CNTN6: variants seen among roughly 807,000 people sequenced by gnomAD.
CNTN6 encodes contactin 6.
In CNTN6, 137 loss-of-function variants were observed where a neutral mutation model predicts 122.8. The observed-to-expected ratio is 1.12, with a 90% CI of 0.97 to 1.29. The LOEUF (loss-of-function observed/expected upper bound fraction) is 1.29. CNTN6 is among the 50% of genes most tolerant of loss of function. The pLI is 0.00. For missense variants in CNTN6, 1,634 were observed against 1,223.4 expected (o/e 1.34, Z -5.01); for synonymous variants, 570 against 426.0 (o/e 1.34, Z -4.16).
chr3:1,299,430 T>C (rs1696830604), intron 7 of CNTN6, among the ~76,000 whole-genome samples: 1 of 152,196 alleles, frequency 6.6e-6, no homozygotes, highest in South Asian at 2.1e-4. Flanking sequence ...TATAGATTCC[T>C]GAAATTAAAA....
chr3:1,282,653 G>T (rs9842797), intron 5 of CNTN6, among the ~76,000 whole-genome samples: 1 of 152,152 alleles, frequency 6.6e-6, no homozygotes, highest in African/African-American at 2.4e-5. Flanking sequence ...AGCACAGAGA[G>T]GACTGCAATG....
intron 7 of CNTN6, among the ~76,000 whole-genome samples, chr3:1,298,957 A>G (rs978947295): frequency 1.3e-5 from 2 of 152,178 alleles, no homozygotes; most frequent in African/African-American, 4.8e-5. Flanking sequence ...CAAATTCTAG[A>G]AAACATCCTT....
chr3:1,255,311 C>G (rs2094735720), intron 4 of CNTN6, among the ~76,000 whole-genome samples: 1 of 151,866 alleles, frequency 6.6e-6, no homozygotes, highest in East Asian at 1.9e-4. Context: ...GTTGTAATCA[C>G]TCTCCCATGG....
chr3:1,190,311 G>A (rs781149047), intron 2 of CNTN6, among the ~76,000 whole-genome samples: 6 of 152,128 alleles, frequency 3.9e-5, no homozygotes, highest in Non-Finnish European at 7.3e-5. Flanking sequence ...CCGTCACATC[G>A]GGGGTTAGGA....
At chr3:1,346,544 C>T (rs1427397145) in intron 11 of CNTN6, among the ~76,000 whole-genome samples, 1 of 152,062 alleles carries the variant, frequency 6.6e-6, no homozygotes, top group Non-Finnish European at 1.5e-5. Flanking sequence ...GCCATGTGAC[C>T]TCTTTGTACA....
At chr3:1,270,127 A>G (rs1447496880) in intron 4 of CNTN6, among the ~76,000 whole-genome samples, 1 of 152,206 alleles carries the variant, frequency 6.6e-6, no homozygotes, top group African/African-American at 2.4e-5. Context: ...TAATATCATG[A>G]ACACCATGAC....
intron 12 of CNTN6, among the ~76,000 whole-genome samples, chr3:1,365,597 T>A (rs1708103171): frequency 6.6e-6 from 1 of 152,034 alleles, no homozygotes; most frequent in African/African-American, 2.4e-5. Context: ...TATCAAGAAA[T>A]GTTACATGGA....
rs1414933807 is a variant in CNTN6, at chr3:1,401,507, A to G, written c.2779A>G (p.Lys927Glu). ...ATTATGCTTGAACTGGGAGCATGTA[A>G]AAACCATGGAAAATGAGTCTGAAGT... is the stretch of plus-strand genomic sequence containing the variant. ...SKLCLNWEHVKTMENESEVLG... is the reference protein window; with the variant it reads ...SKLCLNWEHVETMENESEVLG... Residue 927 changes from lysine to glutamate, a missense_variant, in exon 21 of 23, where the codon AAA becomes GAA. Coordinates refer to ENST00000446702, the MANE Select transcript of CNTN6 (RefSeq NM_001289080.2). 2 of 1,611,888 alleles carry G rather than the reference A, an allele frequency of 1.2e-6. No homozygotes were observed. The highest frequency in any genetic ancestry group is 1.7e-4 in the Middle Eastern group (1 of 6,054).
chr3:1,298,065 A>C (rs941799024), intron 7 of CNTN6, 74 bp downstream of exon 7: 1 of 1,036,326 alleles, frequency 9.6e-7, no homozygotes, highest in Non-Finnish European at 1.4e-6. Flanking sequence ...TTTGTTATTC[A>C]TATATTGCTC....
At chr3:1,104,457 C>G (rs779564950) in intron 1 of CNTN6, among the ~76,000 whole-genome samples, 7 of 152,062 alleles carry the variant, frequency 4.6e-5, no homozygotes, top group Non-Finnish European at 1.0e-4. Context: ...AACTCTTTCC[C>G]TGAAAGGTAT....
chr3:1,174,420 A>C (rs2093412597), intron 2 of CNTN6, among the ~76,000 whole-genome samples: 1 of 152,066 alleles, frequency 6.6e-6, no homozygotes, highest in Non-Finnish European at 1.5e-5. Context: ...GGAATCTGAA[A>C]CTCAAACGGA....
rs79581523 is a variant in CNTN6 at position 1,220,936 on chromosome 3, C to T, written c.182+123C>T. The T allele has an allele frequency of 5.0e-3, 5,160 of 1,026,152 alleles. 185 individuals are homozygous for T. In the African/African-American group the frequency reaches 0.074, roughly 15 times the overall value. The allele number at this position is 1,026,152 out of a possible 1,614,324, so 63.6% of individuals were successfully genotyped here. A position where few individuals can be genotyped will look rare whatever the true frequency, so the allele number is the denominator to read the frequency against. On this transcript the variant is annotated intron_variant, in intron 3 of 22. Coordinates refer to ENST00000446702, the MANE Select transcript of CNTN6 (RefSeq NM_001289080.2). ...GTGTACAGCTCAAGGAATTTCTCTA[C>T]GGGTATGCAGCCATGTGACAATCAC...
At chr3:1,110,598 G>T (rs973049994) in intron 1 of CNTN6, among the ~76,000 whole-genome samples, 5 of 152,078 alleles carry the variant, frequency 3.3e-5, no homozygotes, top group Admixed American at 3.3e-4. Context: ...GGAAGGTGAT[G>T]TATGTTGTAA....
intron 2 of CNTN6, among the ~76,000 whole-genome samples, chr3:1,204,543 G>C (rs75011212): frequency 1.2e-4 from 17 of 143,248 alleles, no homozygotes; most frequent in East Asian, 8.1e-4. Flanking sequence ...ACCTCCTGCT[G>C]TTGTTTCTGC....
intron 11 of CNTN6, among the ~76,000 whole-genome samples, chr3:1,337,635 C>T (rs993942040): frequency 3.9e-5 from 6 of 151,982 alleles, no homozygotes; most frequent in African/African-American, 1.4e-4. Context: ...CCATATGTTC[C>T]CCTGTTTAAG....
intron 7 of CNTN6, among the ~76,000 whole-genome samples, chr3:1,307,737 T>C (rs1575636262): frequency 6.6e-6 from 1 of 152,256 alleles, no homozygotes; most frequent in South Asian, 2.1e-4. Context: ...TGAGGGGTGG[T>C]GGTCAGTTTA....
chr3:1,193,879 T>A (rs1390547096), intron 2 of CNTN6, among the ~76,000 whole-genome samples: 2 of 152,220 alleles, frequency 1.3e-5, no homozygotes, highest in East Asian at 3.9e-4. Context: ...GATCAATACG[T>A]TTTAAGAATT....
intron 4 of CNTN6, among the ~76,000 whole-genome samples, chr3:1,235,155 C>G (rs1403290524): frequency 6.6e-6 from 1 of 152,052 alleles, no homozygotes; most frequent in Non-Finnish European, 1.5e-5. Flanking sequence ...AGGAGCTAGT[C>G]TTTTTAGTTC....
intron 7 of CNTN6, among the ~76,000 whole-genome samples, chr3:1,299,149 A>T (rs1055693771): frequency 2.0e-5 from 3 of 152,194 alleles, no homozygotes; most frequent in African/African-American, 7.2e-5. Context: ...TGGGTCTCAT[A>T]GCATTTATCA....
Sources: gnomAD v4.1 joint callset for allele counts (sites outside exome capture counted in the v4.1 genomes callset) on GRCh38, gnomAD v4.1.1 for gene constraint, MANE v1.5 for transcripts, NCBI Gene and HGNC (gene_info 2026-07-23, HGNC 2026-07-21) for gene names.